The following ZNF570 variants were observed in gnomAD, a reference collection of about 807,000 sequenced individuals.
The protein encoded by ZNF570 is zinc finger protein 570.
Under a neutral mutation model 14.2 loss-of-function variants are expected in ZNF570, and 8 were observed. The ratio of observed to expected loss-of-function variants is 0.56; its 90% CI spans 0.33 to 1.02. The LOEUF is 1.02. ZNF570 is among the 50% of genes least tolerant of loss of function. ZNF570 has a pLI of 0.03. For missense variants in ZNF570, 559 were observed against 624.9 expected (o/e 0.89, Z 1.12); for synonymous variants, 202 against 207.6 (o/e 0.97, Z 0.23).
chr19:37,472,619 G>A (rs1230346340), intron 2 of ZNF570, among the ~76,000 whole-genome samples: 1 of 151,898 alleles, frequency 6.6e-6, no homozygotes, highest in Non-Finnish European at 1.5e-5. Flanking sequence ...GCGCATGCCT[G>A]TAATCCCAGC....
intron 4 of ZNF570, among the ~76,000 whole-genome samples, chr19:37,478,514 A>ATGTAAG (rs879813087): frequency 0.025 from 3,688 of 149,412 alleles, 96 homozygotes; most frequent in Non-Finnish European, 0.037. Flanking sequence ...TAGTTTCTTC[A>ATGTAAG]TTTTCAATTC....
At chr19:37,481,459 T>G (rs1415345672) in intron 4 of ZNF570, among the ~76,000 whole-genome samples, 1 of 152,222 alleles carries the variant, frequency 6.6e-6, no homozygotes, top group African/African-American at 2.4e-5. Context: ...GGTGACAGAT[T>G]ATTTTTATGA....
chr19:37,470,509 A>T (rs1383547675), intron 2 of ZNF570, 122 bp downstream of exon 2: 2 of 817,398 alleles, frequency 2.4e-6, no homozygotes, highest in East Asian at 2.6e-5. Flanking sequence ...AACACTCTCC[A>T]TTGGATTCCC....
rs1480213230 is a variant in ZNF570, at chr19:37,484,781, G to A, written c.1159G>A (p.Glu387Lys). The part of the protein sequence containing the change: ...QRIHTGERPY[E>K]CKECGKAFSQ... ...AATACATACTGGAGAGAGACCCTAT[G>A]AATGTAAGGAATGTGGGAAGGCCTT... is the stretch of plus-strand genomic sequence containing the variant. Residue 387 changes from glutamate to lysine, a missense_variant, in exon 5 of 5, where the codon GAA (glutamate) becomes AAA (lysine). Physicochemically the swap from Glu to Lys is moderately conservative, Grantham distance 56. Transcript: ENST00000330173. 1 of 1,613,934 alleles carries A rather than the reference G, an allele frequency of 6.2e-7. No individual in the cohort carries two copies. Among genetic ancestry groups the A allele is most frequent in the South Asian group, 1.1e-5 (1 of 91,068 alleles).
rs770139363 is a variant in ZNF570, at chr19:37,485,139, C to G, written c.1517C>G (p.Thr506Ser). The change falls in exon 5 of 5, where the codon ACC (threonine) becomes AGC (serine). Residue 506 changes from threonine (T) to serine (S), a missense_variant. Transcript: ENST00000330173. The part of the protein sequence containing the change: ...RPYECKECKK[T>S]FRQHAHLAHH... ...TATGAATGTAAGGAATGCAAAAAAACCTTCAGGCAGCATGCACACCTTGCT... is the reference window on the plus strand; with the variant it reads ...TATGAATGTAAGGAATGCAAAAAAAGCTTCAGGCAGCATGCACACCTTGCT... 6.2e-7 allele frequency: 1 copy of G among 1,610,934 alleles called. No homozygotes were observed.
At position 37,487,075 on chromosome 19, in the gene ZNF570, G is replaced by C. The variant is rs149400484; in HGVS notation, c.*1842G>C. On this transcript the variant is annotated 3_prime_UTR_variant, in exon 5 of 5. Coordinates refer to ENST00000330173, the MANE Select transcript of ZNF570 (RefSeq NM_144694.5). ...CAGTTAGCCAGGTGTGGTGGCGCAC[G>C]CCTGTAATCCCAGCTACTCAGGAGG... 1 of 151,890 alleles carries C rather than the reference G, an allele frequency of 6.6e-6. No homozygotes were observed. The allele number at this position is 151,890 out of a possible 1,614,324, so 9.4% of individuals were successfully genotyped here. A position where few individuals can be genotyped will look rare whatever the true frequency, so the allele number is the denominator to read the frequency against.
chr19:37,484,834 T>A lies in ZNF570; in HGVS notation c.1212T>A (p.His404Gln). 1 of 1,612,670 alleles carries A rather than the reference T, an allele frequency of 6.2e-7. No homozygotes were observed. The highest frequency in any genetic ancestry group is 8.5e-7 in the Non-Finnish European group (1 of 1,179,722). Residue 404 changes from histidine to glutamine, a missense_variant, in exon 5 of 5, where the codon CAT becomes CAA. Coordinates refer to ENST00000330173, the MANE Select transcript of ZNF570 (RefSeq NM_144694.5). ...GCCAGAATTCACACCTTGCTCAACA[T>A]CAGAGAATTCATACTGGAGAAAAAC... Reference protein sequence around the residue: ...AFSQNSHLAQHQRIHTGEKPY... With the variant: ...AFSQNSHLAQQQRIHTGEKPY...
chr19:37,477,895 A>G (rs2147013394), intron 4 of ZNF570, among the ~76,000 whole-genome samples: 1 of 152,230 alleles, frequency 6.6e-6, no homozygotes, highest in African/African-American at 2.4e-5. Flanking sequence ...ACCAGGTTTT[A>G]GTCTATATAT....
rs1408511743 is a variant in ZNF570 at position 37,484,813 on chromosome 19, G to A, written c.1191G>A (p.Gln397=). Residue 397 remains glutamine (Q), a synonymous_variant, in exon 5 of 5, where the codon CAG becomes CAA. Transcript: ENST00000330173. Reference sequence around the variant, plus strand: ...AGGAATGTGGGAAGGCCTTTAGCCAGAATTCACACCTTGCTCAACATCAGA... The same window carrying A: ...AGGAATGTGGGAAGGCCTTTAGCCAAAATTCACACCTTGCTCAACATCAGA... ...ECKECGKAFS[Q]NSHLAQHQRI... is the part of the protein sequence containing the mutation. 1.2e-6 allele frequency: 2 copies of A among 1,613,684 alleles called. No individual in the cohort carries two copies. Among genetic ancestry groups the A allele is most frequent in the Admixed American group, 1.7e-5 (1 of 59,970 alleles).
chr19:37,480,256 C>T (rs1031236717), intron 4 of ZNF570, among the ~76,000 whole-genome samples: 5 of 152,130 alleles, frequency 3.3e-5, no homozygotes, highest in South Asian at 2.1e-4. Flanking sequence ...GAGGCCGAGG[C>T]GGGTGGATCA....
rs114094056 is a variant in ZNF570 at position 37,476,613 on chromosome 19, C to G, written c.256+179C>G. The stretch of plus-strand genomic sequence containing the variant: ...TGTTATTTTTAATTATTTCCCTTCT[C>G]TTACTTTCCTATCTCCTTTCTAACA... On this transcript the variant is annotated intron_variant, in intron 4 of 4. Coordinates refer to ENST00000330173, the MANE Select transcript of ZNF570 (RefSeq NM_144694.5). The G allele has an allele frequency of 1.7e-3, 1,488 of 857,592 alleles. 19 individuals are homozygous for G. In the African/African-American group the frequency reaches 0.022, roughly 13 times the overall value. 53.1% of individuals were successfully genotyped at this position (857,592 alleles called of 1,614,324 possible).
In ZNF570 at chr19:37,469,358, T is replaced by C. The variant is rs2146997837; in HGVS notation, c.-251T>C. The C allele has an allele frequency of 2.1e-6, 3 of 1,428,224 alleles. No individual in the cohort carries two copies. The highest frequency in any genetic ancestry group is 9.2e-7 in the Non-Finnish European group (1 of 1,090,866). The allele number at this position is 1,428,224 out of a possible 1,614,324, so 88.5% of individuals were successfully genotyped here. A position where few individuals can be genotyped will look rare whatever the true frequency, so the allele number is the denominator to read the frequency against. On this transcript the variant is annotated 5_prime_UTR_variant, in exon 1 of 5. Coordinates refer to ENST00000330173, the MANE Select transcript of ZNF570 (RefSeq NM_144694.5). ...CCGGGGGCGGAGGCAGCTGAGGCGC[T>C]TCTTTCCGGGCCCGTAAGGGCTGGG...
chr19:37,484,159 A>T lies in ZNF570; in HGVS notation c.537A>T (p.Thr179=). 6.2e-7 allele frequency: 1 copy of T among 1,613,776 alleles called. No individual in the cohort carries two copies. Among genetic ancestry groups the T allele is most frequent in the Non-Finnish European group, 8.5e-7 (1 of 1,179,942 alleles). ...TTCATCAGAACCCACTGCTTTGTACACAAAAGATAATCCCCAAAGAGGAGA... is the reference window on the plus strand; with the variant it reads ...TTCATCAGAACCCACTGCTTTGTACTCAAAAGATAATCCCCAAAGAGGAGA... The part of the protein sequence containing the change: ...GSFHQNPLLC[T]QKIIPKEEKV... Residue 179 remains threonine (T), a synonymous_variant, in exon 5 of 5, where the codon ACA becomes ACT. Coordinates refer to ENST00000330173, the MANE Select transcript of ZNF570 (RefSeq NM_144694.5).
At chr19:37,473,235 A>T (rs2041988693) in intron 2 of ZNF570, among the ~76,000 whole-genome samples, 1 of 152,192 alleles carries the variant, frequency 6.6e-6, no homozygotes. Flanking sequence ...AGGTTAAGTG[A>T]TCATGAATTT....
chr19:37,469,512 C>T lies in ZNF570; in HGVS notation c.-97C>T. ...GGCTGAGGAGTGGCGTGTGGGTCTC[C>T]GGAAGCTCGTCGCAGGCCATCTGTG... On this transcript the variant is annotated 5_prime_UTR_variant, in exon 1 of 5. Coordinates refer to ENST00000330173, the MANE Select transcript of ZNF570 (RefSeq NM_144694.5). 2 of 1,536,192 alleles carry T rather than the reference C, an allele frequency of 1.3e-6. No individual in the cohort carries two copies. Among genetic ancestry groups the T allele is most frequent in the Non-Finnish European group, 1.7e-6 (2 of 1,146,826 alleles).
At position 37,470,298 on chromosome 19, in the gene ZNF570, T is replaced by G; in HGVS notation, c.-51-6T>G. 1 of 1,613,664 alleles carries G rather than the reference T, an allele frequency of 6.2e-7. No individual in the cohort carries two copies. The highest frequency in any genetic ancestry group is 1.1e-5 in the South Asian group (1 of 91,034). Reference sequence around the variant, plus strand: ...CTAGTTTCTCATGTTCTTTTCCCCATCTCAGTCATCTGAGGCCACTGCTAT... The same window carrying G: ...CTAGTTTCTCATGTTCTTTTCCCCAGCTCAGTCATCTGAGGCCACTGCTAT... On this transcript the variant is annotated splice_polypyrimidine_tract_variant and splice_region_variant and intron_variant, in intron 1 of 4. Coordinates refer to ENST00000330173, the MANE Select transcript of ZNF570 (RefSeq NM_144694.5).
Position 37,469,466 on chromosome 19 carries a change from C to A in ZNF570, c.-143C>A, listed in dbSNP as rs1054282536. ...GCAGGAAGGAGATCTTCCACCAGTTCTGTTCTGCAGGTCGGGAGTGGGCTG... is the reference window on the plus strand; with the variant it reads ...GCAGGAAGGAGATCTTCCACCAGTTATGTTCTGCAGGTCGGGAGTGGGCTG... On this transcript the variant is annotated 5_prime_UTR_variant, in exon 1 of 5. The change creates a new upstream start codon in the 5' untranslated region. Transcript: ENST00000330173. 9.1e-6 allele frequency: 14 copies of A among 1,536,188 alleles called. No homozygotes were observed. The highest frequency in any genetic ancestry group is 1.4e-5 in the African/African-American group (1 of 73,058).
intron 4 of ZNF570, among the ~76,000 whole-genome samples, chr19:37,480,359 C>G (rs2042073328): frequency 6.6e-6 from 1 of 151,950 alleles, no homozygotes; most frequent in Non-Finnish European, 1.5e-5. Context: ...TGGCATGCAC[C>G]TGCAGTCCCA....
chr19:37,476,583 A>G, intron 4 of ZNF570, 149 bp downstream of exon 4: 1 of 1,155,494 alleles, frequency 8.7e-7, no homozygotes, highest in Non-Finnish European at 1.1e-6. Context: ...ATGTTCTCCC[A>G]CATTTGTTAT....
Sources: gnomAD v4.1 joint callset for allele counts (sites outside exome capture counted in the v4.1 genomes callset) on GRCh38, gnomAD v4.1.1 for gene constraint, MANE v1.5 for transcripts, NCBI Gene and HGNC (gene_info 2026-07-23, HGNC 2026-07-21) for gene names.